Variants in DOCK10 observed in about 807,000 individuals in gnomAD.
DOCK10 encodes the protein dedicator of cytokinesis protein 10.
In DOCK10, 145 loss-of-function variants were observed where a neutral mutation model predicts 280.1. The observed-to-expected ratio is 0.52, with a 90% confidence interval of 0.45 to 0.59. The LOEUF (loss-of-function observed/expected upper bound fraction) is 0.59. Ranked by LOEUF, DOCK10 falls within the 20% of genes least tolerant of loss-of-function variation. The probability of loss-of-function intolerance (pLI) is 0.00; values close to 1 mark genes in which losing one functional copy is unlikely to be tolerated. For synonymous variants in DOCK10, 915 were observed against 942.2 expected, an observed-to-expected ratio of 0.97 and a Z score of 0.53; for missense variants, 2,368 against 2,651.7, an observed-to-expected ratio of 0.89 and a Z score of 2.35.
intron 2 of DOCK10, among the ~76,000 whole-genome samples, chr2:224,926,061 A>G (rs1291245104): frequency 6.6e-6 from 1 of 152,208 alleles, no homozygotes; most frequent in Admixed American, 6.5e-5. Context: ...AGCAAATACA[A>G]TTATTGAAGC....
At chr2:224,974,148 G>A (rs1705261393) in intron 1 of DOCK10, among the ~76,000 whole-genome samples, 1 of 152,152 alleles carries the variant, frequency 6.6e-6, no homozygotes, top group Non-Finnish European at 1.5e-5. Context: ...TGTAAGTGCA[G>A]GGCAGCAGCA....
intron 26 of DOCK10, among the ~76,000 whole-genome samples, chr2:224,832,047 C>T (rs1005802333): frequency 1.4e-4 from 22 of 152,176 alleles, no homozygotes; most frequent in African/African-American, 4.3e-4. Context: ...CTAAGGGTGA[C>T]ACTTATCTCA....
At chr2:224,850,162 G>C (rs763650040) in intron 18 of DOCK10, among the ~76,000 whole-genome samples, 1 of 152,124 alleles carries the variant, frequency 6.6e-6, no homozygotes, top group Non-Finnish European at 1.5e-5. Flanking sequence ...ACCCATAAAG[G>C]TAGAAGCCCT....
chr2:225,040,415 T>C (rs1690386893), intron 1 of DOCK10, among the ~76,000 whole-genome samples: 1 of 152,006 alleles, frequency 6.6e-6, no homozygotes, highest in Non-Finnish European at 1.5e-5. Flanking sequence ...TGCCACTGAA[T>C]CTCCCCTCCC....
chr2:224,959,282 C>A (rs1032085746), intron 1 of DOCK10, among the ~76,000 whole-genome samples: 7 of 151,856 alleles, frequency 4.6e-5, no homozygotes, highest in Admixed American at 3.9e-4. Flanking sequence ...TGACCTCAGG[C>A]AAAAACAGTA....
chr2:224,779,793 T>C (rs186943834), intron 50 of DOCK10, among the ~76,000 whole-genome samples: 21 of 152,290 alleles, frequency 1.4e-4, no homozygotes, highest in Non-Finnish European at 2.9e-4. Flanking sequence ...TTATTCTAAG[T>C]GGGCTGTGGC....
chr2:224,946,739 G>C, intron 1 of DOCK10: 1 of 754,232 alleles, frequency 1.3e-6, no homozygotes, highest in East Asian at 3.1e-5. Flanking sequence ...TTCCATATAA[G>C]ACTTCACCCA....
chr2:224,873,875 T>C, intron 11 of DOCK10, 121 bp downstream of exon 11: 2 of 1,015,830 alleles, frequency 2.0e-6, no homozygotes, highest in Non-Finnish European at 2.8e-6. Context: ...TTAATAATAT[T>C]CCCTGGTACA....
chr2:224,834,397 C>A (rs1479113656), intron 25 of DOCK10, 134 bp from the exon 26 acceptor site: 1 of 642,440 alleles, frequency 1.6e-6, no homozygotes. Flanking sequence ...AATGCAGGCC[C>A]AATGATAAGA....
intron 39 of DOCK10, among the ~76,000 whole-genome samples, chr2:224,803,559 G>T (rs1303340269): frequency 6.6e-6 from 1 of 152,050 alleles, no homozygotes; most frequent in Non-Finnish European, 1.5e-5. Context: ...GCCGGTGAAG[G>T]ATGACTCCAG....
chr2:224,869,848 G>A (rs1239914054), intron 11 of DOCK10, among the ~76,000 whole-genome samples: 3 of 152,112 alleles, frequency 2.0e-5, no homozygotes, highest in Non-Finnish European at 4.4e-5. Flanking sequence ...ATATGCCCCT[G>A]GCAGTAGAAA....
intron 1 of DOCK10, among the ~76,000 whole-genome samples, chr2:224,990,598 AGTT>A (rs930407510): frequency 7.4e-5 from 9 of 122,278 alleles, no homozygotes; most frequent in East Asian, 3.9e-4. Context: ...TTTTTGTTGT[AGTT>A]GTTGTTGTTG....
At chr2:224,946,976 A>C in intron 1 of DOCK10, 1 of 1,530,924 alleles carries the variant, frequency 6.5e-7, no homozygotes, top group Non-Finnish European at 8.8e-7. Flanking sequence ...TTGAGTCACA[A>C]AATATTTCAA....
intron 2 of DOCK10, among the ~76,000 whole-genome samples, chr2:224,917,412 T>G (rs573450780): frequency 6.6e-6 from 1 of 152,276 alleles, no homozygotes; most frequent in East Asian, 1.9e-4. Flanking sequence ...AAAATAAATT[T>G]GAAATGAAGA....
At chr2:224,906,808 G>A (rs1700675841) in intron 3 of DOCK10, among the ~76,000 whole-genome samples, 1 of 152,144 alleles carries the variant, frequency 6.6e-6, no homozygotes, top group African/African-American at 2.4e-5. Context: ...ATACTCCAGG[G>A]GGTACTTGTC....
chr2:224,769,454 T>C (rs1690271665), intron 55 of DOCK10, among the ~76,000 whole-genome samples: 1 of 152,238 alleles, frequency 6.6e-6, no homozygotes. Context: ...TAATTCAAGT[T>C]CTGCTCCTCA....
At chr2:224,782,633 G>A (rs1448913344) in intron 50 of DOCK10, among the ~76,000 whole-genome samples, 1 of 152,084 alleles carries the variant, frequency 6.6e-6, no homozygotes, top group African/African-American at 2.4e-5. Context: ...TTCCTGCTAT[G>A]AACGATCAGT....
At chr2:224,964,403 G>A (rs917514584) in intron 1 of DOCK10, among the ~76,000 whole-genome samples, 1 of 152,030 alleles carries the variant, frequency 6.6e-6, no homozygotes, top group African/African-American at 2.4e-5. Flanking sequence ...AGAGGCACAG[G>A]AACCATGGAC....
At chr2:225,027,203 G>A (rs1244967087) in intron 1 of DOCK10, among the ~76,000 whole-genome samples, 1 of 152,136 alleles carries the variant, frequency 6.6e-6, no homozygotes, top group Non-Finnish European at 1.5e-5. Context: ...GCCCTACACA[G>A]ACCTCGCCTG....
Sources: gnomAD v4.1 joint callset for allele counts (sites outside exome capture counted in the v4.1 genomes callset) on GRCh38, gnomAD v4.1.1 for gene constraint, MANE v1.5 for transcripts, NCBI Gene and HGNC (gene_info 2026-07-23, HGNC 2026-07-21) for gene names.